The following KDM4B variants were observed in gnomAD, a reference collection of about 807,000 sequenced individuals.
KDM4B encodes lysine-specific demethylase 4B.
Under a neutral mutation model 125.2 loss-of-function variants are expected in KDM4B, and 32 were observed. The ratio of observed to expected loss-of-function variants is 0.26; its 90% CI spans 0.19 to 0.34. The LOEUF (loss-of-function observed/expected upper bound fraction) is 0.34. Ranked by LOEUF, KDM4B falls within the 10% of genes least tolerant of loss-of-function variation. The pLI is 1.00. For synonymous variants in KDM4B, 721 were observed against 677.9 expected, an observed-to-expected ratio of 1.06 and a Z score of -0.99; for missense variants, 1,190 against 1,577.7, an observed-to-expected ratio of 0.75 and a Z score of 4.16.
intron 2 of KDM4B, among the ~76,000 whole-genome samples, chr19:5,024,352 A>C (rs1444839425): frequency 1.3e-5 from 2 of 152,108 alleles, no homozygotes; most frequent in Non-Finnish European, 2.9e-5. Flanking sequence ...GCCCCCTGCC[A>C]AGCCCCTGCA....
At chr19:5,057,063 T>TGTGTGTGTGC (rs1555701553) in intron 6 of KDM4B, among the ~76,000 whole-genome samples, 6 of 134,364 alleles carry the variant, frequency 4.5e-5, no homozygotes, top group African/African-American at 1.7e-4. Context: ...TGTGTGTGTG[T>TGTGTGTGTGC]GTGCGCGCGC....
chr19:5,051,818 T>TC (rs1401042514), intron 6 of KDM4B, among the ~76,000 whole-genome samples: 1 of 152,170 alleles, frequency 6.6e-6, no homozygotes, highest in African/African-American at 2.4e-5. Context: ...AGTCTGGAAA[T>TC]CCCCCATTGC....
rs113192369 is a variant in KDM4B at position 5,028,397 on chromosome 19, C to T, written c.-25-4469C>T. 6.7e-3 allele frequency among the ~76,000 whole-genome samples: 1,016 copies of T among 152,278 alleles called. 12 individuals are homozygous for T. The highest frequency in any genetic ancestry group is 0.023 in the African/African-American group (959 of 41,554). On this transcript the variant is annotated intron_variant, in intron 2 of 22. Coordinates refer to ENST00000159111, the MANE Select transcript of KDM4B (RefSeq NM_015015.3). ...TCCTCAAGGTTCCTCCATGTGGCGC[C>T]TGTGTCAGAGCCTCGTTGCTTTTCA...
intron 5 of KDM4B, among the ~76,000 whole-genome samples, chr19:5,046,472 G>A (rs555614201): frequency 1.3e-5 from 2 of 152,338 alleles, no homozygotes; most frequent in Admixed American, 6.5e-5. Context: ...TCTGAGGGCC[G>A]GTCGTGCAGG....
intron 1 of KDM4B, among the ~76,000 whole-genome samples, chr19:4,976,370 C>T (rs1215679635): frequency 6.6e-6 from 1 of 151,914 alleles, no homozygotes; most frequent in Non-Finnish European, 1.5e-5. Context: ...GAAAAAACAG[C>T]TACAAACAGT....
intron 9 of KDM4B, among the ~76,000 whole-genome samples, chr19:5,084,469 T>G (rs963909412): frequency 4.3e-5 from 6 of 140,088 alleles, no homozygotes; most frequent in Non-Finnish European, 7.6e-5. Flanking sequence ...ATATATTATA[T>G]ATAAATATAA....
chr19:5,026,673 T>C (rs2036289199), intron 2 of KDM4B, among the ~76,000 whole-genome samples: 1 of 152,122 alleles, frequency 6.6e-6, no homozygotes, highest in Non-Finnish European at 1.5e-5. Context: ...AGAGCTGCCC[T>C]TGGGATGGGT....
intron 1 of KDM4B, among the ~76,000 whole-genome samples, chr19:4,996,078 C>T (rs2035191901): frequency 1.3e-5 from 2 of 152,152 alleles, no homozygotes; most frequent in South Asian, 4.1e-4. Context: ...GCAGCCTCCT[C>T]CTCCCAGTTC....
chr19:5,007,483 A>C (rs915398333), intron 1 of KDM4B, among the ~76,000 whole-genome samples: 1 of 150,776 alleles, frequency 6.6e-6, no homozygotes, highest in African/African-American at 2.4e-5. Flanking sequence ...CTTATCAGAT[A>C]ATGTTTTGCA....
chr19:5,011,277 T>C (rs2145488476), intron 1 of KDM4B, among the ~76,000 whole-genome samples: 1 of 152,342 alleles, frequency 6.6e-6, no homozygotes, highest in Non-Finnish European at 1.5e-5. Flanking sequence ...CTCGATGCTG[T>C]TGGGGCATCA....
At chr19:5,126,693 T>C (rs1175190943) in intron 11 of KDM4B, among the ~76,000 whole-genome samples, 1 of 152,170 alleles carries the variant, frequency 6.6e-6, no homozygotes, top group African/African-American at 2.4e-5. Context: ...GGCTGTGAGC[T>C]CAGCCCGGGG....
chr19:5,119,720 A>T lies in KDM4B; in HGVS notation c.1183A>T (p.Thr395Ser), dbSNP rs745942408. The change falls in exon 11 of 23, where the codon ACG (threonine) becomes TCG (serine). Residue 395 changes from threonine (T) to serine (S), a missense_variant. Around this residue, in one of 7 missense-constraint regions of KDM4B, gnomAD observed 428 missense variants for 405.1 expected, o/e 1.06. Transcript: ENST00000159111. ...AGACCCCAAGTTCCCTGGGGAGGGTACGGCTGGGGCAGCGCTCCTAGAGGA... is the reference window on the plus strand; with the variant it reads ...AGACCCCAAGTTCCCTGGGGAGGGTTCGGCTGGGGCAGCGCTCCTAGAGGA... The part of the protein sequence containing the change: ...PEDPKFPGEG[T>S]AGAALLEEAG... 5.8e-6 allele frequency: 9 copies of T among 1,552,018 alleles called. No homozygotes were observed. The highest frequency in any genetic ancestry group is 1.7e-4 in the Middle Eastern group (1 of 5,996).
chr19:5,092,521 C>CG (rs1186573089), intron 9 of KDM4B, among the ~76,000 whole-genome samples: 1 of 152,224 alleles, frequency 6.6e-6, no homozygotes, highest in African/African-American at 2.4e-5. Context: ...AGAGGAGGGT[C>CG]GGGGGCTTTT....
At chr19:5,105,430 C>A (rs2039016419) in intron 9 of KDM4B, among the ~76,000 whole-genome samples, 2 of 152,222 alleles carry the variant, frequency 1.3e-5, no homozygotes, top group Non-Finnish European at 2.9e-5. Context: ...TTAAGTCAGG[C>A]TTCAGCAAGC....
chr19:5,144,023 C>T lies in KDM4B; in HGVS notation c.2607C>T (p.Cys869=), dbSNP rs1382861892. 1.3e-6 allele frequency: 2 copies of T among 1,596,532 alleles called. No individual in the cohort carries two copies. The highest frequency in any genetic ancestry group is 1.3e-5 in the African/African-American group (1 of 74,612). The change falls in exon 19 of 23, where the codon TGC becomes TGT. Residue 869 remains cysteine (C), a synonymous_variant. Coordinates refer to ENST00000159111, the MANE Select transcript of KDM4B (RefSeq NM_015015.3). ...MKKVSGACIQ[C]SYEHCSTSFH... ...AGGTGTCAGGTGCCTGTATCCAGTG[C>T]TCCTACGAGCACTGCTCCACGTCCT...
intron 16 of KDM4B, 33 bp from the exon 17 acceptor site, chr19:5,137,588 C>T: frequency 1.9e-6 from 3 of 1,592,956 alleles, no homozygotes. Context: ...CTGCTCCGAG[C>T]CCTGCTCATC....
At chr19:5,015,098 A>G (rs1261066545) in intron 1 of KDM4B, among the ~76,000 whole-genome samples, 2 of 151,600 alleles carry the variant, frequency 1.3e-5, no homozygotes, top group Non-Finnish European at 2.9e-5. Flanking sequence ...TTCTGAAGTG[A>G]GAGTTGGCAT....
At chr19:5,015,822 C>T (rs970398660) in intron 1 of KDM4B, among the ~76,000 whole-genome samples, 2 of 152,234 alleles carry the variant, frequency 1.3e-5, no homozygotes, top group South Asian at 2.1e-4. Flanking sequence ...GGCCCCTGTG[C>T]GGTCGCAGCC....
chr19:4,984,554 G>A (rs1010594945), intron 1 of KDM4B, among the ~76,000 whole-genome samples: 20 of 152,276 alleles, frequency 1.3e-4, no homozygotes, highest in Non-Finnish European at 1.3e-4. Flanking sequence ...AGGACTCCGC[G>A]TCTCTCCTGT....
Sources: allele counts gnomAD v4.1 joint callset (sites outside exome capture counted in the v4.1 genomes callset), GRCh38; gene constraint gnomAD v4.1.1; regional missense constraint gnomAD v4.1.1; transcripts MANE v1.5; gene names NCBI Gene and HGNC (gene_info 2026-07-23, HGNC 2026-07-21).